The following KCNQ2 variants were observed in gnomAD, a reference collection of about 807,000 sequenced individuals.
KCNQ2 encodes the protein potassium voltage-gated channel subfamily KQT member 2.
In KCNQ2, 14 loss-of-function variants were observed where a neutral mutation model predicts 84.8. The observed-to-expected ratio is 0.17, with a 90% confidence interval of 0.11 to 0.26. KCNQ2 has a LOEUF of 0.26. Among genes scored for constraint, KCNQ2 ranks in the 10% least tolerant of loss-of-function variants. The probability of loss-of-function intolerance (pLI) is 1.00; values close to 1 mark genes in which losing one functional copy is unlikely to be tolerated. For missense variants in KCNQ2, 788 were observed against 1,254.0 expected (o/e 0.63, Z 5.61); for synonymous variants, 599 against 554.1 (o/e 1.08, Z -1.14).
chr20:63,419,085 C>T (rs944173420), intron 12 of KCNQ2, among the ~76,000 whole-genome samples: 23 of 152,034 alleles, frequency 1.5e-4, no homozygotes, highest in African/African-American at 4.8e-4. Context: ...GCAAAGGGGG[C>T]GGCTCCTCCC....
chr20:63,437,708 G>A (rs960894475), intron 7 of KCNQ2, among the ~76,000 whole-genome samples: 4 of 152,256 alleles, frequency 2.6e-5, no homozygotes, highest in Non-Finnish European at 5.9e-5. Flanking sequence ...GCCACATTCC[G>A]CTGGCAGGGA....
intron 1 of KCNQ2, among the ~76,000 whole-genome samples, chr20:63,457,467 C>T (rs1600838246): frequency 6.6e-6 from 1 of 152,226 alleles, no homozygotes; most frequent in Non-Finnish European, 1.5e-5. Flanking sequence ...TCACGGCCTC[C>T]AAACGGCCTG....
intron 7 of KCNQ2, among the ~76,000 whole-genome samples, chr20:63,437,999 A>G (rs1443703040): frequency 5.3e-5 from 8 of 152,136 alleles, no homozygotes; most frequent in Non-Finnish European, 1.2e-4. Flanking sequence ...TAGGAGAGAC[A>G]GGGTTTCACC....
chr20:63,463,106 G>A (rs2081997219), intron 1 of KCNQ2, among the ~76,000 whole-genome samples: 1 of 151,502 alleles, frequency 6.6e-6, no homozygotes, highest in African/African-American at 2.4e-5. Flanking sequence ...ATGTGAATTT[G>A]ACCTATTCTG....
chr20:63,463,852 A>T (rs1471053252), intron 1 of KCNQ2: 1 of 152,064 alleles, frequency 6.6e-6, no homozygotes, highest in Non-Finnish European at 1.5e-5. Context: ...CCACAGATAC[A>T]GAGGAAGAAT....
In KCNQ2 at chr20:63,446,687, C is replaced by A; in HGVS notation, c.387+60G>T. On this transcript the variant is annotated intron_variant, in intron 2 of 16. Transcript: ENST00000359125. This position sits in a 1 kb window ranked among gnomAD's most constrained non-coding sequence, Gnocchi z 5.5. ...TAGTAACAGGAACGGAAGACAGACGCCCAGGCAGCTCCAGCTCCTTCCTGG... is the reference window on the plus strand; with the variant it reads ...TAGTAACAGGAACGGAAGACAGACGACCAGGCAGCTCCAGCTCCTTCCTGG... 7.1e-7 allele frequency: 1 copy of A among 1,410,266 alleles called. No homozygotes were observed. Among genetic ancestry groups the A allele is most frequent in the Non-Finnish European group, 1.0e-6 (1 of 995,722 alleles). The allele number at this position is 1,410,266 out of a possible 1,614,324, so 87.4% of individuals were successfully genotyped here.
intron 1 of KCNQ2, among the ~76,000 whole-genome samples, chr20:63,449,803 G>A (rs1336725175): frequency 3.3e-5 from 5 of 152,136 alleles, no homozygotes; most frequent in African/African-American, 1.2e-4. Context: ...GAGGCAGAAG[G>A]ACAGGGCCAG....
chr20:63,451,557 C>T (rs551616084), intron 1 of KCNQ2, among the ~76,000 whole-genome samples: 2 of 152,284 alleles, frequency 1.3e-5, no homozygotes, highest in African/African-American at 2.4e-5. Context: ...GACACAAACC[C>T]GCGTGGACCT....
chr20:63,437,728 G>T (rs1310846154), intron 7 of KCNQ2, among the ~76,000 whole-genome samples: 1 of 152,288 alleles, frequency 6.6e-6, no homozygotes, highest in Non-Finnish European at 1.5e-5. Flanking sequence ...ATCCTGGTCA[G>T]CTCTGCGGGT....
intron 15 of KCNQ2, among the ~76,000 whole-genome samples, chr20:63,411,561 TG>T (rs1049628264): frequency 1.3e-5 from 2 of 152,144 alleles, no homozygotes; most frequent in African/African-American, 4.8e-5. Context: ...AGAGGAGCAG[TG>T]GGGCCCCTGG....
rs6122453 is a variant in KCNQ2 at position 63,460,454 on chromosome 20, C to T, written c.296+11714G>A. Among the ~76,000 whole-genome samples, 6 of 151,428 alleles carry T rather than the reference C, an allele frequency of 4.0e-5. No homozygotes were observed. Among genetic ancestry groups the T allele is most frequent in the South Asian group, 2.1e-4 (1 of 4,756 alleles). ...GAGGCTCCCAGCAGGCCTTCCCCCC[C>T]ACAGCCCCCTGAGACAGCCACGCCT... On this transcript the variant is annotated intron_variant, in intron 1 of 16. Coordinates refer to ENST00000359125, the MANE Select transcript of KCNQ2 (RefSeq NM_172107.4). This position sits in a 1 kb window ranked among gnomAD's most constrained non-coding sequence, Gnocchi z 5.4.
chr20:63,425,473 A>C lies in KCNQ2; in HGVS notation c.1218-1267T>G, dbSNP rs2080598421. Among the ~76,000 whole-genome samples the C allele has an allele frequency of 2.0e-5, 3 of 152,160 alleles. No individual in the cohort carries two copies. Among genetic ancestry groups the C allele is most frequent in the Admixed American group, 2.0e-4 (3 of 15,272 alleles). ...AGTGGCTCACACCTGTAATCCCAGC[A>C]CTTTGGGAGGCCGAGGCGGGTGGAT... is the stretch of plus-strand genomic sequence containing the variant. On this transcript the variant is annotated intron_variant, in intron 10 of 16. Transcript: ENST00000359125. This position sits in a 1 kb window ranked among gnomAD's most constrained non-coding sequence, Gnocchi z 5.5.
Position 63,456,323 on chromosome 20 carries a change from G to A in KCNQ2, c.297-9486C>T, listed in dbSNP as rs78606172. Among the ~76,000 whole-genome samples the A allele has an allele frequency of 8.0e-3, 1,216 of 152,296 alleles. 7 individuals are homozygous for A. The highest frequency in any genetic ancestry group is 0.017 in the Middle Eastern group (5 of 294). On this transcript the variant is annotated intron_variant, in intron 1 of 16. Coordinates refer to ENST00000359125, the MANE Select transcript of KCNQ2 (RefSeq NM_172107.4). ...ACTCGCTTCATGCACTTGGGGAAGA[G>A]GACTCGACGCAGGAGGGGTCTGGGC...
intron 1 of KCNQ2, among the ~76,000 whole-genome samples, chr20:63,469,201 C>T (rs912455857): frequency 7.9e-5 from 12 of 152,210 alleles, no homozygotes; most frequent in African/African-American, 2.9e-4. Flanking sequence ...CCTGCGGCAG[C>T]CCCAGGGGCA....
chr20:63,417,080 G>C (rs1254342934), intron 12 of KCNQ2, among the ~76,000 whole-genome samples: 1 of 152,200 alleles, frequency 6.6e-6, no homozygotes, highest in Admixed American at 6.5e-5. Context: ...CAGGACCCCA[G>C]TCCTGAGTCC....
rs761530155 is a variant in KCNQ2, at chr20:63,410,893, C to T, written c.1764-2357G>A. The T allele has an allele frequency of 5.4e-5, 21 of 392,094 alleles. No homozygotes were observed. The Middle Eastern group carries it at 5.1e-3, about 95-fold the overall frequency. 24.3% of individuals were successfully genotyped at this position (392,094 alleles called of 1,614,324 possible). The stretch of plus-strand genomic sequence containing the variant: ...GGTCTATGCTCAGCCTCCAGGCCTC[C>T]GCCCCAGGGGCTCTACCCTCCCTCA... On this transcript the variant is annotated intron_variant, in intron 15 of 16. Transcript: ENST00000359125.
chr20:63,458,641 C>T (rs901210412), intron 1 of KCNQ2, among the ~76,000 whole-genome samples: 1 of 152,220 alleles, frequency 6.6e-6, no homozygotes, highest in Non-Finnish European at 1.5e-5. Context: ...GCGGTCTGCT[C>T]GCCCTCCCGG....
chr20:63,428,782 C>T (rs114123893), intron 9 of KCNQ2, among the ~76,000 whole-genome samples: 143 of 152,268 alleles, frequency 9.4e-4, no homozygotes, highest in African/African-American at 3.2e-3. Flanking sequence ...CGCTACTCCC[C>T]CTTCTAATCC....
chr20:63,439,510 A>C (rs1315848301), intron 6 of KCNQ2, 88 bp downstream of exon 6: 2 of 971,438 alleles, frequency 2.1e-6, no homozygotes, highest in Admixed American at 3.4e-5. Context: ...GGTCCCACCT[A>C]GGGAACTGTG....
Sources: allele counts gnomAD v4.1 joint callset (sites outside exome capture counted in the v4.1 genomes callset), GRCh38; gene constraint gnomAD v4.1.1; non-coding constraint Gnocchi (gnomAD v3.1); transcripts MANE v1.5; gene names NCBI Gene and HGNC (gene_info 2026-07-23, HGNC 2026-07-21).